PAQR5: variants seen among roughly 807,000 people sequenced by gnomAD.
The protein encoded by PAQR5 is membrane progestin receptor gamma.
A neutral mutation model predicts 34.5 loss-of-function variants in PAQR5; 20 were observed. That is an observed-to-expected ratio of 0.58 (90% CI 0.41 to 0.84). The LOEUF (loss-of-function observed/expected upper bound fraction) is 0.84. PAQR5 is among the 40% of genes least tolerant of loss of function. The pLI, the probability that PAQR5 is intolerant of heterozygous loss-of-function variation, is 0.00. For synonymous variants in PAQR5, 131 were observed against 155.6 expected (o/e 0.84, Z 1.18); for missense variants, 378 against 412.7 (o/e 0.92, Z 0.73).
rs148250691 is a variant in PAQR5 at position 69,406,323 on chromosome 15, A to G, written c.*2501A>G. On this transcript the variant is annotated 3_prime_UTR_variant, in exon 9 of 9. Transcript: ENST00000395407. ...CAACTGTGATAAAACTTGAATGTGT[A>G]TGATGAATAAGGCCATTCAGTTAAC... 1 of 152,254 alleles carries G rather than the reference A, an allele frequency of 6.6e-6. No individual in the cohort carries two copies. Among genetic ancestry groups the G allele is most frequent in the Non-Finnish European group, 1.5e-5 (1 of 68,052 alleles). The allele number at this position is 152,254 out of a possible 1,614,324, so 9.4% of individuals were successfully genotyped here. A position where few individuals can be genotyped will look rare whatever the true frequency, so the allele number is the denominator to read the frequency against.
intron 6 of PAQR5, 23 bp downstream of exon 6, chr15:69,389,803 A>T (rs200024140): frequency 4.4e-6 from 7 of 1,598,596 alleles, no homozygotes; most frequent in Admixed American, 1.7e-5. Flanking sequence ...CTGACCTCAG[A>T]TGGGAGGGGA....
At chr15:69,316,528 A>AT (rs1245476249) in intron 1 of PAQR5, among the ~76,000 whole-genome samples, 1 of 152,112 alleles carries the variant, frequency 6.6e-6, no homozygotes, top group Non-Finnish European at 1.5e-5. Context: ...TGTGTTACTT[A>AT]CGATATTGGG....
intron 1 of PAQR5, among the ~76,000 whole-genome samples, chr15:69,322,721 A>G (rs1355556503): frequency 4.3e-5 from 1 of 23,038 alleles, no homozygotes; most frequent in Middle Eastern, 0.014. Flanking sequence ...AAGAAGAAGA[A>G]GAAGAAGAAG....
chr15:69,364,475 A>C (rs2055330804), intron 3 of PAQR5, among the ~76,000 whole-genome samples: 1 of 148,136 alleles, frequency 6.8e-6, no homozygotes, highest in African/African-American at 2.5e-5. Context: ...TATATTATAT[A>C]TGTAATATAT....
At chr15:69,395,340 A>G (rs1262175992) in intron 6 of PAQR5, among the ~76,000 whole-genome samples, 2 of 152,224 alleles carry the variant, frequency 1.3e-5, no homozygotes, top group Non-Finnish European at 2.9e-5. Flanking sequence ...GGGGCCAGAA[A>G]GCCCAGGGTT....
rs902469730 is a variant in PAQR5, at chr15:69,406,082, G to A, written c.*2260G>A. On this transcript the variant is annotated 3_prime_UTR_variant, in exon 9 of 9. Coordinates refer to ENST00000395407, the MANE Select transcript of PAQR5 (RefSeq NM_017705.4). ...CTCAGAAAGTCTAAAAGGTTGGCAG[G>A]GGGTCAGCTGAAGACCTCACTGGAG... is the stretch of plus-strand genomic sequence containing the variant. 6.6e-6 allele frequency: 1 copy of A among 152,152 alleles called. No individual in the cohort carries two copies. Among genetic ancestry groups the A allele is most frequent in the Non-Finnish European group, 1.5e-5 (1 of 68,020 alleles). 9.4% of individuals were successfully genotyped at this position (152,152 alleles called of 1,614,324 possible). A position where few individuals can be genotyped will look rare whatever the true frequency, so the allele number is the denominator to read the frequency against.
At chr15:69,375,863 T>C (rs925140785) in intron 3 of PAQR5, among the ~76,000 whole-genome samples, 1 of 152,194 alleles carries the variant, frequency 6.6e-6, no homozygotes, top group African/African-American at 2.4e-5. Flanking sequence ...GCTATCCAAA[T>C]CTGCCATTAT....
chr15:69,344,489 T>C (rs930354367), intron 2 of PAQR5, among the ~76,000 whole-genome samples: 6 of 152,254 alleles, frequency 3.9e-5, no homozygotes, highest in Non-Finnish European at 8.8e-5. Flanking sequence ...TGTGAGTTTA[T>C]GATTTGTCTT....
chr15:69,402,552 G>A (rs1024157836), intron 8 of PAQR5, among the ~76,000 whole-genome samples: 1 of 152,012 alleles, frequency 6.6e-6, no homozygotes, highest in Non-Finnish European at 1.5e-5. Context: ...TCCTGACCTC[G>A]TGATCCACCC....
rs551574370 is a variant in PAQR5 at position 69,405,860 on chromosome 15, A to G, written c.*2038A>G. The G allele has an allele frequency of 6.6e-6, 1 of 152,366 alleles. No homozygotes were observed. Among genetic ancestry groups the G allele is most frequent in the South Asian group, 2.1e-4 (1 of 4,828 alleles). 9.4% of individuals were successfully genotyped at this position (152,366 alleles called of 1,614,324 possible). On this transcript the variant is annotated 3_prime_UTR_variant, in exon 9 of 9. Transcript: ENST00000395407. ...AGATCCAGTGTTTCATAACATTTTT[A>G]TAAGTTTGGTAAACTTTAGTCCCAT...
chr15:69,386,843 C>A (rs1021845918), intron 5 of PAQR5, among the ~76,000 whole-genome samples: 5 of 152,078 alleles, frequency 3.3e-5, no homozygotes, highest in African/African-American at 1.2e-4. Context: ...CAGAACTGTA[C>A]CTGCTCCCGC....
At chr15:69,355,326 TTCTTTC>T in intron 2 of PAQR5, among the ~76,000 whole-genome samples, 1 of 49,682 alleles carries the variant, frequency 2.0e-5, no homozygotes, top group Non-Finnish European at 3.7e-5. Flanking sequence ...CTTTCTTTCT[TTCTTTC>T]TTTCTTTCTT....
chr15:69,301,859 A>ATGTTTTTTTTTT (rs2053611897), intron 1 of PAQR5, among the ~76,000 whole-genome samples: 1 of 98,870 alleles, frequency 1.0e-5, no homozygotes, highest in Non-Finnish European at 1.8e-5. Context: ...ATGGGGGGAG[A>ATGTTTTTTTTTT]TTTTTTTTTT....
chr15:69,310,699 A>T (rs1162257225), intron 1 of PAQR5, among the ~76,000 whole-genome samples: 1 of 152,038 alleles, frequency 6.6e-6, no homozygotes, highest in Non-Finnish European at 1.5e-5. Flanking sequence ...TTTGGTCAAC[A>T]ATTTATTATT....
intron 6 of PAQR5, 32 bp from the exon 7 acceptor site, chr15:69,397,436 C>A: frequency 1.4e-6 from 2 of 1,446,186 alleles, no homozygotes; most frequent in Non-Finnish European, 1.9e-6. Context: ...CTTTTCATTC[C>A]ATTTCCTCCC....
intron 1 of PAQR5, among the ~76,000 whole-genome samples, chr15:69,313,222 C>G (rs1445202169): frequency 1.3e-5 from 2 of 152,208 alleles, no homozygotes; most frequent in African/African-American, 4.8e-5. Context: ...CCCAGCCAGG[C>G]ACAGTGTCTC....
At chr15:69,321,589 T>C (rs1279191944) in intron 1 of PAQR5, among the ~76,000 whole-genome samples, 1 of 152,256 alleles carries the variant, frequency 6.6e-6, no homozygotes, top group Admixed American at 6.5e-5. Context: ...TCCTACATTT[T>C]GTTTTACAAT....
At chr15:69,379,782 G>A in intron 3 of PAQR5, 101 bp from the exon 4 acceptor site, 2 of 1,432,450 alleles carry the variant, frequency 1.4e-6, no homozygotes, top group Non-Finnish European at 1.9e-6. Flanking sequence ...TTGGGGTCAA[G>A]CGTTCCAGGC....
intron 3 of PAQR5, among the ~76,000 whole-genome samples, chr15:69,373,750 C>T (rs1046621172): frequency 6.6e-5 from 10 of 152,150 alleles, no homozygotes; most frequent in African/African-American, 1.9e-4. Flanking sequence ...ACTACAGGCA[C>T]GCTCTATCAT....
Sources: allele counts gnomAD v4.1 joint callset (sites outside exome capture counted in the v4.1 genomes callset), GRCh38; gene constraint gnomAD v4.1.1; transcripts MANE v1.5; gene names NCBI Gene and HGNC (gene_info 2026-07-23, HGNC 2026-07-21).